Variants in ATP8A1 observed in about 807,000 individuals in gnomAD.
The protein encoded by ATP8A1 is phospholipid-transporting ATPase IA.
Under a neutral mutation model 177.7 loss-of-function variants are expected in ATP8A1, and 90 were observed. That is an observed-to-expected ratio of 0.51 (90% CI 0.43 to 0.60). The LOEUF (loss-of-function observed/expected upper bound fraction) is 0.60. Among genes scored for constraint, ATP8A1 ranks in the 20% least tolerant of loss-of-function variants. ATP8A1 has a pLI of 0.00. For synonymous variants in ATP8A1, 493 were observed against 485.9 expected (o/e 1.01, Z -0.19); for missense variants, 1,072 against 1,392.8 (o/e 0.77, Z 3.67).
chr4:42,490,547 G>A (rs1036632539), intron 24 of ATP8A1, among the ~76,000 whole-genome samples: 2 of 152,170 alleles, frequency 1.3e-5, no homozygotes, highest in Non-Finnish European at 2.9e-5. Context: ...ATTTATAGCA[G>A]AAAGAATTCC....
intron 5 of ATP8A1, among the ~76,000 whole-genome samples, chr4:42,614,986 C>T (rs572311684): frequency 2.6e-5 from 4 of 152,238 alleles, no homozygotes; most frequent in East Asian, 1.9e-4. Flanking sequence ...CACAAAAATC[C>T]GAAGATAATT....
chr4:42,457,868 C>T (rs1221413156), intron 27 of ATP8A1, among the ~76,000 whole-genome samples: 6 of 152,174 alleles, frequency 3.9e-5, no homozygotes, highest in African/African-American at 7.2e-5. Context: ...TTATACTTTA[C>T]GACAATTTTT....
In ATP8A1 at chr4:42,472,231, G is replaced by A. The variant is rs945256565; in HGVS notation, c.2325-7155C>T. On this transcript the variant is annotated intron_variant, in intron 25 of 36. Transcript: ENST00000381668. ...TGAAATTGTGGGCAAGAGAATCTGT[G>A]TGAAACTGGATGACAGCCGGCTCAT... The A allele has an allele frequency of 2.0e-5, 12 of 586,284 alleles. No individual in the cohort carries two copies. In the East Asian group the frequency reaches 4.6e-4, roughly 22 times the overall value. The allele number at this position is 586,284 out of a possible 1,614,324, so 36.3% of individuals were successfully genotyped here. A position where few individuals can be genotyped will look rare whatever the true frequency, so the allele number is the denominator to read the frequency against.
At chr4:42,502,107 A>ATAT (rs1334136764) in intron 24 of ATP8A1, among the ~76,000 whole-genome samples, 2 of 152,074 alleles carry the variant, frequency 1.3e-5, no homozygotes, top group African/African-American at 4.8e-5. Context: ...CTTCTCAAAT[A>ATAT]TTTATAGTGT....
chr4:42,614,765 T>A (rs534620246), intron 5 of ATP8A1, among the ~76,000 whole-genome samples: 1 of 152,332 alleles, frequency 6.6e-6, no homozygotes, highest in South Asian at 2.1e-4. Flanking sequence ...CCTGGCAGTC[T>A]AATAATGGTT....
At chr4:42,560,014 C>T (rs1418999787) in intron 15 of ATP8A1, among the ~76,000 whole-genome samples, 2 of 152,134 alleles carry the variant, frequency 1.3e-5, no homozygotes, top group African/African-American at 4.8e-5. Context: ...CCCCTACAGT[C>T]CAGTTTTAAT....
intron 17 of ATP8A1, among the ~76,000 whole-genome samples, chr4:42,551,915 A>G (rs1171663928): frequency 6.6e-6 from 1 of 152,170 alleles, no homozygotes; most frequent in African/African-American, 2.4e-5. Flanking sequence ...CTTCTAACAA[A>G]GTTCTCATCA....
At chr4:42,494,171 A>AG (rs1344581417) in intron 24 of ATP8A1, among the ~76,000 whole-genome samples, 1 of 148,486 alleles carries the variant, frequency 6.7e-6, no homozygotes, top group East Asian at 2.0e-4. Flanking sequence ...ACAAAAAAAA[A>AG]AAAAAAAAAA....
chr4:42,572,498 C>T (rs1213694341), intron 14 of ATP8A1, among the ~76,000 whole-genome samples: 3 of 152,180 alleles, frequency 2.0e-5, no homozygotes, highest in Non-Finnish European at 1.5e-5. Context: ...ATCAACAACT[C>T]TCTACGATGC....
chr4:42,477,513 AGAG>A (rs1721200792), intron 25 of ATP8A1, among the ~76,000 whole-genome samples: 1 of 152,164 alleles, frequency 6.6e-6, no homozygotes, highest in Non-Finnish European at 1.5e-5. Context: ...TCCCCATGTA[AGAG>A]TTTTCTCCTA....
chr4:42,615,711 G>A (rs1037004580), intron 5 of ATP8A1, among the ~76,000 whole-genome samples: 1 of 152,138 alleles, frequency 6.6e-6, no homozygotes, highest in Admixed American at 6.5e-5. Flanking sequence ...AATAACATCT[G>A]TAGATTACAA....
At chr4:42,489,052 G>A (rs1034344502) in intron 24 of ATP8A1, among the ~76,000 whole-genome samples, 7 of 152,128 alleles carry the variant, frequency 4.6e-5, no homozygotes, top group African/African-American at 1.4e-4. Context: ...GACACACACA[G>A]AGAGAGGTCT....
chr4:42,460,962 A>G (rs1269468912), intron 27 of ATP8A1, among the ~76,000 whole-genome samples: 1 of 152,204 alleles, frequency 6.6e-6, no homozygotes, highest in Non-Finnish European at 1.5e-5. Flanking sequence ...AAAGGCAAAT[A>G]ACATATTTAT....
intron 35 of ATP8A1, 108 bp downstream of exon 35, chr4:42,422,699 T>C (rs1237186628): frequency 2.4e-6 from 2 of 842,540 alleles, no homozygotes; most frequent in East Asian, 5.2e-5. Flanking sequence ...CCAATGACAC[T>C]GCCAGCTTGA....
At chr4:42,458,479 A>G (rs1469023250) in intron 27 of ATP8A1, among the ~76,000 whole-genome samples, 1 of 152,248 alleles carries the variant, frequency 6.6e-6, no homozygotes, top group Non-Finnish European at 1.5e-5. Flanking sequence ...GGAAGGAGTC[A>G]GACATATCAG....
intron 20 of ATP8A1, among the ~76,000 whole-genome samples, chr4:42,527,776 G>A (rs1242976830): frequency 1.3e-5 from 2 of 152,082 alleles, no homozygotes; most frequent in Non-Finnish European, 1.5e-5. Flanking sequence ...CTAATTTTGA[G>A]TTACAAAAAC....
intron 33 of ATP8A1, among the ~76,000 whole-genome samples, chr4:42,440,679 C>T (rs13123554): frequency 0.36 from 55,278 of 151,884 alleles, 10,968 homozygotes; most frequent in East Asian, 0.61. Context: ...ATAAAGTAAG[C>T]GTTCAATATT....
In ATP8A1 at chr4:42,543,900, T is replaced by C. The variant is rs761683467; in HGVS notation, c.1722+17A>G. ...CATCATAAATTATAACTGTAAAAAA[T>C]AAAAATAAAAACTTACAGCTCCTTT... On this transcript the variant is annotated intron_variant, in intron 20 of 36. Transcript: ENST00000381668. 6.3e-7 allele frequency: 1 copy of C among 1,577,618 alleles called. No individual in the cohort carries two copies. Among genetic ancestry groups the C allele is most frequent in the East Asian group, 2.3e-5 (1 of 44,004 alleles).
intron 20 of ATP8A1, among the ~76,000 whole-genome samples, chr4:42,541,952 C>T (rs575872506): frequency 1.3e-5 from 2 of 152,140 alleles, no homozygotes; most frequent in East Asian, 1.9e-4. Flanking sequence ...ATGGTAGATA[C>T]ATGTCACTAC....
Sources: gnomAD v4.1 joint callset for allele counts (sites outside exome capture counted in the v4.1 genomes callset) on GRCh38, gnomAD v4.1.1 for gene constraint, MANE v1.5 for transcripts, NCBI Gene and HGNC (gene_info 2026-07-23, HGNC 2026-07-21) for gene names.